ANKMY1: variants seen among roughly 807,000 people sequenced by gnomAD.
ANKMY1 encodes the protein ankyrin repeat and MYND domain containing 1.
Under a neutral mutation model 102.0 loss-of-function variants are expected in ANKMY1, and 98 were observed. The observed-to-expected ratio is 0.96, with a 90% CI of 0.82 to 1.14. The LOEUF (loss-of-function observed/expected upper bound fraction) is 1.14, where lower values mean the gene tolerates loss of function less well. ANKMY1 is among the 50% of genes most tolerant of loss of function. The pLI, the probability that ANKMY1 is intolerant of heterozygous loss-of-function variation, is 0.00. For synonymous variants in ANKMY1, 582 were observed against 559.9 expected (o/e 1.04, Z -0.56); for missense variants, 1,330 against 1,347.6 (o/e 0.99, Z 0.20).
Position 240,528,091 on chromosome 2 carries a change from A to T in ANKMY1, c.953+946T>A, listed in dbSNP as rs565749823. On this transcript the variant is annotated intron_variant, in intron 5 of 17. Coordinates refer to ENST00000401804, the MANE Select transcript of ANKMY1 (RefSeq NM_001282771.3). ...ATCATGAGGTCAGGAGTTCAAGACC[A>T]GCCTGGCCAATATGGTGAAACCCCG... Among the ~76,000 whole-genome samples, 294 of 152,278 alleles carry T rather than the reference A, an allele frequency of 1.9e-3. 1 individual carries two copies. Among genetic ancestry groups the T allele is most frequent in the African/African-American group, 6.9e-3 (286 of 41,548 alleles).
chr2:240,560,987 C>G, upstream of ANKMY1: 1 of 1,546,256 alleles, frequency 6.5e-7, no homozygotes, highest in Non-Finnish European at 8.6e-7. Context: ...CCTGCCTAGT[C>G]TACTGCAAGA....
In ANKMY1 at chr2:240,500,468, T is replaced by A. The variant is rs924440474; in HGVS notation, c.2624A>T (p.Tyr875Phe). Residue 875 changes from tyrosine to phenylalanine, a missense_variant, in exon 14 of 18, where the codon TAC (tyrosine) becomes TTC (phenylalanine). By Grantham distance (22) the Tyr-to-Phe change is conservative. Transcript: ENST00000401804. ...EAVGTAVDYG[Y>F]FRFFQDRRIA... is the part of the protein sequence containing the mutation. ...ACCACCTACCTGGAAGAATCTGAAG[T>A]AGCCATAGTCCACGGCTGTGCCCAC... is the stretch of plus-strand genomic sequence containing the variant. 3.7e-6 allele frequency: 6 copies of A among 1,613,930 alleles called. No individual in the cohort carries two copies. Among genetic ancestry groups the A allele is most frequent in the Admixed American group, 3.3e-5 (2 of 59,994 alleles).
At chr2:240,512,725 C>T in intron 10 of ANKMY1, 77 bp downstream of exon 10, 1 of 1,506,886 alleles carries the variant, frequency 6.6e-7, no homozygotes, top group Non-Finnish European at 8.9e-7. Flanking sequence ...CAAGCACAGG[C>T]TAGGCAGAGT....
Position 240,529,117 on chromosome 2 carries a change from G to T in ANKMY1, c.873C>A (p.Phe291Leu), listed in dbSNP as rs755539130. The change falls in exon 5 of 18, where the codon TTC (phenylalanine) becomes TTA (leucine). Residue 291 changes from phenylalanine to leucine, a missense_variant. Phe to Leu is a conservative substitution (Grantham distance 22). Transcript: ENST00000401804. The surrounding 1 kb of genome is among the most constrained non-coding windows in gnomAD (Gnocchi z 4.2). Reference protein sequence around the residue: ...ARIFLNEIPPFVEDGEPWFII... With the variant: ...ARIFLNEIPPLVEDGEPWFII... ...TGAACCATGGTTCTCCATCCTCAAC[G>T]AACGGAGGAATTTCATTGAGGAAGA... The T allele has an allele frequency of 1.9e-6, 3 of 1,614,176 alleles. No individual in the cohort carries two copies. In the East Asian group the frequency reaches 6.7e-5, roughly 36 times the overall value.
intron 15 of ANKMY1, among the ~76,000 whole-genome samples, chr2:240,484,859 A>C (rs2075858572): frequency 6.6e-6 from 1 of 151,220 alleles, no homozygotes; most frequent in South Asian, 2.1e-4. Context: ...TACAAGAAAA[A>C]AACAAACAAC....
At chr2:240,517,807 A>C (rs1473112271) in intron 9 of ANKMY1, among the ~76,000 whole-genome samples, 1 of 152,196 alleles carries the variant, frequency 6.6e-6, no homozygotes, top group Admixed American at 6.5e-5. Flanking sequence ...CCCTGCCTCA[A>C]AAGAAAAAAA....
intron 13 of ANKMY1, among the ~76,000 whole-genome samples, chr2:240,503,781 G>A (rs535254179): frequency 3.3e-5 from 5 of 152,352 alleles, no homozygotes; most frequent in African/African-American, 1.2e-4. Context: ...CCCGGGATCT[G>A]TGAACGTGAC....
chr2:240,558,354 G>T (rs1424227327), upstream of ANKMY1: 1 of 152,286 alleles, frequency 6.6e-6, no homozygotes, highest in East Asian at 1.9e-4. Context: ...TCCAGCCCCG[G>T]CCTTTGTTCA....
chr2:240,498,778 T>C (rs889348842), intron 15 of ANKMY1, among the ~76,000 whole-genome samples: 1 of 152,036 alleles, frequency 6.6e-6, no homozygotes, highest in Non-Finnish European at 1.5e-5. Flanking sequence ...GCCATCCCCT[T>C]GGGGACGAGT....
intron 7 of ANKMY1, among the ~76,000 whole-genome samples, 157 bp downstream of exon 7, chr2:240,525,528 G>A (rs914601594): frequency 1.3e-5 from 2 of 152,168 alleles, no homozygotes; most frequent in Admixed American, 6.5e-5. Flanking sequence ...TCCCTTAGGG[G>A]ATGCCCAGGC....
intron 15 of ANKMY1, among the ~76,000 whole-genome samples, chr2:240,485,838 C>CACA (rs2076001465): frequency 1.3e-5 from 2 of 152,302 alleles, no homozygotes; most frequent in Non-Finnish European, 2.9e-5. Flanking sequence ...AATAATTCTT[C>CACA]TGCCTTAGCC....
chr2:240,537,710 A>T (rs573691050), intron 4 of ANKMY1, among the ~76,000 whole-genome samples: 1 of 152,348 alleles, frequency 6.6e-6, no homozygotes, highest in South Asian at 2.1e-4. Context: ...ATGGTGTCAA[A>T]TCAAGTGTAG....
chr2:240,543,821 T>C (rs189827063), intron 4 of ANKMY1, among the ~76,000 whole-genome samples: 183 of 152,310 alleles, frequency 1.2e-3, no homozygotes, highest in African/African-American at 4.3e-3. Flanking sequence ...ACCTAAGTCA[T>C]TTCCAATGAA....
rs759784124 is a variant in ANKMY1, at chr2:240,526,254, C to A, written c.1145G>T (p.Gly382Val). The change falls in exon 6 of 18, where the codon GGC becomes GTC. Residue 382 changes from glycine (G) to valine (V), a missense_variant. Coordinates refer to ENST00000401804, the MANE Select transcript of ANKMY1 (RefSeq NM_001282771.3). ...AGCAGCCGCAGCAAGCACAGTGTAG[C>A]CCTTTGCGTCCGCCACGTCAGCACT... Reference protein sequence around the residue: ...FASADVADAKGYTVLAAAATH... With the variant: ...FASADVADAKVYTVLAAAATH... The A allele has an allele frequency of 7.4e-6, 12 of 1,614,126 alleles. No individual in the cohort carries two copies. The highest frequency in any genetic ancestry group is 1.0e-5 in the Non-Finnish European group (12 of 1,180,032).
chr2:240,538,314 G>A (rs1313592178), intron 4 of ANKMY1, among the ~76,000 whole-genome samples: 4 of 152,128 alleles, frequency 2.6e-5, no homozygotes, highest in African/African-American at 7.2e-5. Context: ...GGCTGCGAGC[G>A]GCGCTCAGGG....
chr2:240,535,453 G>C (rs1174320502), intron 4 of ANKMY1, among the ~76,000 whole-genome samples: 2 of 152,270 alleles, frequency 1.3e-5, no homozygotes, highest in Non-Finnish European at 1.5e-5. Flanking sequence ...ACCTAAAAGG[G>C]TGCCTGGCTC....
At chr2:240,537,805 G>A (rs1230097871) in intron 4 of ANKMY1, among the ~76,000 whole-genome samples, 4 of 152,228 alleles carry the variant, frequency 2.6e-5, no homozygotes, top group African/African-American at 9.6e-5. Context: ...GGTGTAAACT[G>A]GTCATAGCCC....
chr2:240,529,278 C>T lies in ANKMY1; in HGVS notation c.712G>A (p.Asp238Asn). ...CGCTTATAGTCATAGAAAAAGGGAT[C>T]CTGTCCCTCCTGCAGTCCCCACTCC... Reference protein sequence around the residue: ...KTEWGLQEGQDPFFYDYKRFL... With the variant: ...KTEWGLQEGQNPFFYDYKRFL... Residue 238 changes from aspartate to asparagine, a missense_variant, in exon 5 of 18, where the codon GAT (aspartate) becomes AAT (asparagine). Physicochemically the swap from Asp to Asn is conservative, Grantham distance 23. Coordinates refer to ENST00000401804, the MANE Select transcript of ANKMY1 (RefSeq NM_001282771.3). This position sits in a 1 kb window ranked among gnomAD's most constrained non-coding sequence, Gnocchi z 4.2. The T allele has an allele frequency of 6.2e-7, 1 of 1,614,190 alleles. No homozygotes were observed. Among genetic ancestry groups the T allele is most frequent in the Non-Finnish European group, 8.5e-7 (1 of 1,180,036 alleles).
chr2:240,543,253 T>C (rs946075642), intron 4 of ANKMY1, among the ~76,000 whole-genome samples: 2 of 150,938 alleles, frequency 1.3e-5, no homozygotes, highest in Non-Finnish European at 2.9e-5. Flanking sequence ...CTCGGGAGGC[T>C]GAGGCAGGAG....
Sources: gnomAD v4.1 joint callset for allele counts (sites outside exome capture counted in the v4.1 genomes callset) on GRCh38, gnomAD v4.1.1 for gene constraint, Gnocchi (gnomAD v3.1) non-coding constraint, MANE v1.5 for transcripts, NCBI Gene and HGNC (gene_info 2026-07-23, HGNC 2026-07-21) for gene names.